The following VCF1 variants were observed in gnomAD, a reference collection of about 807,000 sequenced individuals.
VCF1 encodes the protein protein VCF1.
the VCF1 span, among the ~76,000 whole-genome samples, chr17:73,222,638 G>A: frequency 6.6e-5 from 10 of 152,068 alleles, no homozygotes; most frequent in East Asian, 7.7e-4. Flanking sequence ...TTTGCTGGGC[G>A]AGCTGGCGGG....
the VCF1 span, chr17:73,207,974 A>G: frequency 8.0e-7 from 1 of 1,256,430 alleles, no homozygotes; most frequent in Non-Finnish European, 1.0e-6. Flanking sequence ...TCCAGTCCCT[A>G]AGCATGGGCT....
chr17:73,209,482 T>C, the VCF1 span: 1 of 1,539,198 alleles, frequency 6.5e-7, no homozygotes. Flanking sequence ...AAATATCAAA[T>C]CTGCACAGCG....
the VCF1 span, among the ~76,000 whole-genome samples, chr17:73,231,727 T>G: frequency 6.6e-6 from 1 of 152,104 alleles, no homozygotes; most frequent in Non-Finnish European, 1.5e-5. Flanking sequence ...GGGCTCCCTC[T>G]CCAAGATGAG....
chr17:73,232,351 A>T, the VCF1 span: 8 of 1,504,874 alleles, frequency 5.3e-6, no homozygotes, highest in Non-Finnish European at 7.1e-6. Context: ...GCGCAGTGGC[A>T]CCATCCCAAC....
chr17:73,208,097 G>A, the VCF1 span: 32 of 1,444,720 alleles, frequency 2.2e-5, no homozygotes, highest in East Asian at 1.5e-4. Context: ...TCCCAAGACA[G>A]TCCTCATTTC....
At chr17:73,220,531 G>A in the VCF1 span, among the ~76,000 whole-genome samples, 4 of 146,858 alleles carry the variant, frequency 2.7e-5, no homozygotes, top group African/African-American at 8.2e-5. Flanking sequence ...TGCAACCTCC[G>A]CCTCCTAGGT....
chr17:73,222,608 T>C, the VCF1 span, among the ~76,000 whole-genome samples: 42 of 151,318 alleles, frequency 2.8e-4, no homozygotes, highest in Non-Finnish European at 3.7e-4. Context: ...TGAAACCCAT[T>C]TCTACTAAAA....
chr17:73,208,363 C>A, the VCF1 span: 1 of 1,614,178 alleles, frequency 6.2e-7, no homozygotes, highest in Non-Finnish European at 8.5e-7. Context: ...GTTCCTGGCT[C>A]CTTGTTCAGA....
At chr17:73,214,631 C>A in the VCF1 span, among the ~76,000 whole-genome samples, 87,860 of 152,006 alleles carry the variant, frequency 0.58, 25,578 homozygotes, top group Non-Finnish European at 0.62. Context: ...CTAAAGTAAA[C>A]ATCTTGAAAC....
chr17:73,227,029 A>T, the VCF1 span: 1 of 620,496 alleles, frequency 1.6e-6, no homozygotes, highest in Non-Finnish European at 2.6e-6. Flanking sequence ...CCTGATTTGG[A>T]AACAGAAAGG....
chr17:73,227,731 A>T, the VCF1 span: 1 of 861,870 alleles, frequency 1.2e-6, no homozygotes, highest in Non-Finnish European at 1.4e-6. Flanking sequence ...CCTCTTGGTC[A>T]CATTCACCTG....
chr17:73,214,094 C>G, the VCF1 span, among the ~76,000 whole-genome samples: 3 of 152,174 alleles, frequency 2.0e-5, no homozygotes, highest in African/African-American at 7.2e-5. Context: ...TTCACCTTAA[C>G]TACCTCAGAA....
the VCF1 span, among the ~76,000 whole-genome samples, chr17:73,219,565 GT>G: frequency 2.6e-5 from 4 of 151,596 alleles, no homozygotes; most frequent in African/African-American, 9.7e-5. Context: ...CAGGAGAATG[GT>G]GTGAACCTGG....
At chr17:73,230,135 A>C in the VCF1 span, among the ~76,000 whole-genome samples, 2 of 152,076 alleles carry the variant, frequency 1.3e-5, no homozygotes, top group African/African-American at 4.8e-5. Flanking sequence ...CACCTCTACC[A>C]AAAATACACA....
At chr17:73,222,534 T>G in the VCF1 span, among the ~76,000 whole-genome samples, 1 of 151,980 alleles carries the variant, frequency 6.6e-6, no homozygotes, top group Admixed American at 6.6e-5. Context: ...TCCCAGCACT[T>G]TGGAAGGCCA....
chr17:73,225,881 TA>T, the VCF1 span, among the ~76,000 whole-genome samples: 156 of 68,862 alleles, frequency 2.3e-3, no homozygotes, highest in African/African-American at 7.8e-3. Flanking sequence ...TATATATATA[TA>T]ATATATATAT....
At chr17:73,222,035 C>A in the VCF1 span, among the ~76,000 whole-genome samples, 200 of 80,820 alleles carry the variant, frequency 2.5e-3, no homozygotes, top group South Asian at 5.5e-3. Flanking sequence ...GACTCTGTCT[C>A]AAAAAAAAAA....
At chr17:73,214,861 A>T in the VCF1 span, among the ~76,000 whole-genome samples, 3 of 152,364 alleles carry the variant, frequency 2.0e-5, no homozygotes, top group East Asian at 5.8e-4. Context: ...AGGACCATCA[A>T]ATAGGAATCC....
At chr17:73,208,585 T>C in the VCF1 span, 50 of 1,125,854 alleles carry the variant, frequency 4.4e-5, no homozygotes, top group African/African-American at 5.8e-4. Flanking sequence ...CTAGTTACTG[T>C]TGGGGGTTAC....
Sources: gnomAD v4.1 joint callset for allele counts (sites outside exome capture counted in the v4.1 genomes callset) on GRCh38, gnomAD v4.1.1 for gene constraint, MANE v1.5 for transcripts, NCBI Gene and HGNC (gene_info 2026-07-23, HGNC 2026-07-21) for gene names.